Variants in LARGE1 observed in about 807,000 individuals in gnomAD.
LARGE1 encodes the protein LARGE xylosyl- and glucuronyltransferase 1.
A neutral mutation model predicts 87.6 loss-of-function variants in LARGE1; 43 were observed. The ratio of observed to expected loss-of-function variants is 0.49; its 90% CI spans 0.38 to 0.63. The LOEUF (loss-of-function observed/expected upper bound fraction) is 0.63, where lower values mean the gene tolerates loss of function less well. Ranked by LOEUF, LARGE1 falls within the 30% of genes least tolerant of loss-of-function variation. The pLI is 0.00. For synonymous variants in LARGE1, 434 were observed against 394.6 expected, an observed-to-expected ratio of 1.10 and a Z score of -1.18; for missense variants, 802 against 1,000.2, an observed-to-expected ratio of 0.80 and a Z score of 2.67.
chr22:33,871,337 T>A (rs2064274250), intron 1 of LARGE1, among the ~76,000 whole-genome samples: 1 of 152,172 alleles, frequency 6.6e-6, no homozygotes, highest in African/African-American at 2.4e-5. Context: ...ATGTGCTAGG[T>A]CATTTCAGTA....
chr22:33,118,451 C>T, the LARGE1 span, among the ~76,000 whole-genome samples: 1 of 149,862 alleles, frequency 6.7e-6, no homozygotes, highest in Non-Finnish European at 1.5e-5. Flanking sequence ...ATGATCATGC[C>T]ACTGCACTCC....
intron 11 of LARGE1, among the ~76,000 whole-genome samples, chr22:33,222,726 T>C (rs1319420863): frequency 6.6e-6 from 1 of 152,164 alleles, no homozygotes; most frequent in Non-Finnish European, 1.5e-5. Flanking sequence ...AAGGGGATCA[T>C]GGTCTTGCCC....
chr22:33,730,769 C>A (rs138715444), intron 2 of LARGE1, among the ~76,000 whole-genome samples: 1 of 152,024 alleles, frequency 6.6e-6, no homozygotes, highest in South Asian at 2.1e-4. Flanking sequence ...CGGCTCACTG[C>A]AACCTCCGCG....
chr22:33,496,622 A>C (rs2070133414), intron 6 of LARGE1, among the ~76,000 whole-genome samples: 1 of 152,224 alleles, frequency 6.6e-6, no homozygotes, highest in African/African-American at 2.4e-5. Flanking sequence ...CTATGTTGTT[A>C]GCAGCCTGAA....
chr22:33,877,715 G>A (rs1314074875), intron 1 of LARGE1, among the ~76,000 whole-genome samples: 2 of 152,042 alleles, frequency 1.3e-5, no homozygotes, highest in Non-Finnish European at 2.9e-5. Flanking sequence ...TTGAGGTCAC[G>A]AGTTCGAGAC....
chr22:33,580,711 T>A (rs996586395), intron 5 of LARGE1, among the ~76,000 whole-genome samples: 1 of 152,178 alleles, frequency 6.6e-6, no homozygotes, highest in African/African-American at 2.4e-5. Context: ...TAGCAGCACA[T>A]TAATAATAAC....
chr22:33,073,543 T>C, the LARGE1 span, among the ~76,000 whole-genome samples: 2 of 152,134 alleles, frequency 1.3e-5, no homozygotes, highest in African/African-American at 4.8e-5. Flanking sequence ...CTCTCCCACC[T>C]CTTAGATGCT....
At position 33,712,369 on chromosome 22, in the gene LARGE1, G is replaced by C. The variant is rs370381986; in HGVS notation, c.106+49002C>G. 5.3e-5 allele frequency among the ~76,000 whole-genome samples: 8 copies of C among 152,268 alleles called. No homozygotes were observed. In the East Asian group the frequency reaches 1.5e-3, roughly 29 times the overall value. On this transcript the variant is annotated intron_variant, in intron 2 of 14. Coordinates refer to ENST00000397394, the MANE Select transcript of LARGE1 (RefSeq NM_133642.5). ...GAGCATCTAAACAGCCTTCAGGCAG[G>C]CACGAGAAGACGGATCACAGGCTCG...
At position 33,447,526 on chromosome 22, in the gene LARGE1, C is replaced by T. The variant is rs183393378; in HGVS notation, c.788-15261G>A. Among the ~76,000 whole-genome samples, 3 of 152,310 alleles carry T rather than the reference C, an allele frequency of 2.0e-5. No homozygotes were observed. In the East Asian group the frequency reaches 5.8e-4, roughly 29 times the overall value. On this transcript the variant is annotated intron_variant, in intron 6 of 14. Coordinates refer to ENST00000397394, the MANE Select transcript of LARGE1 (RefSeq NM_133642.5). ...ACAGTGGGCTCTGCAGCTCTGGTAA[C>T]CCCAGCACGTCCCAATGCACAGCCT...
chr22:33,128,111 A>T, the LARGE1 span, among the ~76,000 whole-genome samples: 4 of 152,174 alleles, frequency 2.6e-5, no homozygotes, highest in East Asian at 7.7e-4. Flanking sequence ...TTTTAAAAAT[A>T]ATTGCTAGCT....
At chr22:33,104,101 TC>T in the LARGE1 span, among the ~76,000 whole-genome samples, 1 of 152,156 alleles carries the variant, frequency 6.6e-6, no homozygotes, top group Non-Finnish European at 1.5e-5. Context: ...TGGATTTTTT[TC>T]CCCAGAGTAT....
intron 9 of LARGE1, among the ~76,000 whole-genome samples, chr22:33,357,141 GA>G (rs1377024006): frequency 6.6e-6 from 1 of 151,796 alleles, no homozygotes; most frequent in Non-Finnish European, 1.5e-5. Context: ...GCTTAACGTA[GA>G]AAGAAAATGT....
intron 1 of LARGE1, among the ~76,000 whole-genome samples, chr22:33,859,761 G>T (rs2063859053): frequency 6.6e-6 from 1 of 152,138 alleles, no homozygotes; most frequent in Non-Finnish European, 1.5e-5. Context: ...ACAGATAAAT[G>T]GGCAAACCAA....
intron 1 of LARGE1, among the ~76,000 whole-genome samples, chr22:33,882,548 CA>C (rs2064727936): frequency 6.6e-6 from 1 of 152,236 alleles, no homozygotes; most frequent in African/African-American, 2.4e-5. Context: ...GGAAAAACAC[CA>C]AAGATGAAAC....
chr22:33,690,007 A>G (rs951245744), intron 2 of LARGE1, among the ~76,000 whole-genome samples: 1 of 152,152 alleles, frequency 6.6e-6, no homozygotes, highest in African/African-American at 2.4e-5. Flanking sequence ...ATTACACATT[A>G]CAGAGCTTTC....
the LARGE1 span, among the ~76,000 whole-genome samples, chr22:33,117,579 G>A: frequency 6.7e-3 from 1,014 of 152,140 alleles, 11 homozygotes; most frequent in African/African-American, 0.019. Context: ...AAAGAAAATC[G>A]AAGTCATAAG....
chr22:33,565,244 T>C (rs1602462152), intron 5 of LARGE1, among the ~76,000 whole-genome samples: 2 of 152,330 alleles, frequency 1.3e-5, no homozygotes, highest in Admixed American at 1.3e-4. Flanking sequence ...GGAAAAGTAA[T>C]AGTTATGAAA....
intron 6 of LARGE1, among the ~76,000 whole-genome samples, chr22:33,450,673 G>GA (rs1161498639): frequency 6.6e-6 from 1 of 151,918 alleles, no homozygotes; most frequent in South Asian, 2.1e-4. Context: ...ATTACACCTG[G>GA]AAAAAAACCT....
intron 9 of LARGE1, among the ~76,000 whole-genome samples, chr22:33,366,480 T>C (rs756052441): frequency 9.8e-5 from 15 of 152,372 alleles, no homozygotes; most frequent in South Asian, 2.1e-4. Flanking sequence ...ACATGCTGAA[T>C]GACACGTGGA....
Sources: gnomAD v4.1 joint callset for allele counts (sites outside exome capture counted in the v4.1 genomes callset) on GRCh38, gnomAD v4.1.1 for gene constraint, MANE v1.5 for transcripts, NCBI Gene and HGNC (gene_info 2026-07-23, HGNC 2026-07-21) for gene names.